The following METTL6 variants were observed in gnomAD, a reference collection of about 807,000 sequenced individuals.
METTL6 encodes methyltransferase 6, tRNA N3-cytidine, also known as tRNA N(3)-cytidine methyltransferase METTL6.
In METTL6, 22 loss-of-function variants were observed where a neutral mutation model predicts 26.4. The observed-to-expected ratio is 0.83, with a 90% CI of 0.59 to 1.19. METTL6 has a LOEUF of 1.19. Ranked by LOEUF, METTL6 falls within the 50% of genes most tolerant of loss-of-function variation. The pLI, the probability that METTL6 is intolerant of heterozygous loss-of-function variation, is 0.00. For synonymous variants in METTL6, 109 were observed against 116.2 expected (o/e 0.94, Z 0.40); for missense variants, 304 against 324.8 (o/e 0.94, Z 0.49).
chr3:15,401,552 A>G (rs1213026096), intron 6 of METTL6, among the ~76,000 whole-genome samples: 2 of 151,542 alleles, frequency 1.3e-5, no homozygotes, highest in South Asian at 2.1e-4. Flanking sequence ...AAAAAAAAAA[A>G]AAAAAGAAAG....
rs76953524 is a variant in METTL6, at chr3:15,424,393, A to G, written c.360+562T>C. Among the ~76,000 whole-genome samples the G allele has an allele frequency of 6.2e-4, 95 of 152,212 alleles. 2 individuals are homozygous for G. Among genetic ancestry groups the G allele is most frequent in the Non-Finnish European group, 5.4e-4 (37 of 67,990 alleles). On this transcript the variant is annotated intron_variant, in intron 3 of 5. Coordinates refer to ENST00000383790, the MANE Select transcript of METTL6 (RefSeq NM_152396.4). The stretch of plus-strand genomic sequence containing the variant: ...GTGATCTTCCCACCTCAGCCTCCCA[A>G]TTAGCTGGGATTACAGGTAAGCACC...
At chr3:15,424,635 G>A (rs978037053) in intron 3 of METTL6, among the ~76,000 whole-genome samples, 7 of 152,150 alleles carry the variant, frequency 4.6e-5, no homozygotes, top group Non-Finnish European at 7.4e-5. Flanking sequence ...CTTTTTTAAG[G>A]GGAGATGTAT....
downstream of METTL6, among the ~76,000 whole-genome samples, chr3:15,407,829 C>T (rs1301772442): frequency 6.6e-6 from 1 of 152,120 alleles, no homozygotes; most frequent in Non-Finnish European, 1.5e-5. Flanking sequence ...GTTAAGTTTG[C>T]CATGTTGTAG....
Position 15,410,051 on chromosome 3 carries a change from T to C in METTL6, c.*1205A>G, listed in dbSNP as rs892097666. On this transcript the variant is annotated 3_prime_UTR_variant, in exon 6 of 6. Transcript: ENST00000383790. ...GGTCCTTAGGCTTTTCTTTGTGGAA[T>C]TTTACAGTGAACAATATGGCTAAAT... Among the ~76,000 whole-genome samples the C allele has an allele frequency of 1.3e-5, 2 of 152,158 alleles. No homozygotes were observed. Among genetic ancestry groups the C allele is most frequent in the South Asian group, 4.1e-4 (2 of 4,832 alleles).
Position 15,426,526 on chromosome 3 carries a change from G to T in METTL6, c.-15C>A, listed in dbSNP as rs2061728490. On this transcript the variant is annotated 5_prime_UTR_variant, in exon 2 of 6. Transcript: ENST00000383790. ...AAAGAAGCCATCTCTGAAACTGACG[G>T]TAACACTTAACACAGCTGAAGATTC... The T allele has an allele frequency of 6.2e-7, 1 of 1,606,032 alleles. No individual in the cohort carries two copies. Among genetic ancestry groups the T allele is most frequent in the African/African-American group, 1.3e-5 (1 of 74,744 alleles).
At chr3:15,414,484 T>A (rs1174024344) in intron 4 of METTL6, 16 of 426,174 alleles carry the variant, frequency 3.8e-5, no homozygotes, top group Non-Finnish European at 3.8e-5. Flanking sequence ...GCCTCCCGAG[T>A]AGCTGGGATT....
At chr3:15,417,368 T>C (rs989317533) in intron 3 of METTL6, among the ~76,000 whole-genome samples, 1 of 151,712 alleles carries the variant, frequency 6.6e-6, no homozygotes, top group Non-Finnish European at 1.5e-5. Context: ...GGCAGAAGAA[T>C]CGCTTGAACC....
chr3:15,398,408 G>T (rs1575398351), intron 6 of METTL6, among the ~76,000 whole-genome samples: 1 of 152,274 alleles, frequency 6.6e-6, no homozygotes, highest in Admixed American at 6.5e-5. Flanking sequence ...TGGCCAGGCT[G>T]GCCTCGAGCT....
At chr3:15,419,694 T>C (rs1315349106) in intron 3 of METTL6, among the ~76,000 whole-genome samples, 1 of 152,180 alleles carries the variant, frequency 6.6e-6, no homozygotes, top group African/African-American at 2.4e-5. Flanking sequence ...AAAATATAAA[T>C]GAGCATGCTC....
intron 6 of METTL6, among the ~76,000 whole-genome samples, chr3:15,398,383 AG>A (rs1243626288): frequency 3.9e-5 from 6 of 152,096 alleles, no homozygotes; most frequent in African/African-American, 1.4e-4. Flanking sequence ...TAGTAGAGAC[AG>A]GGTTTCACCA....
rs879183026 is a variant in METTL6, at chr3:15,426,592, T to C, written c.-81A>G. 8.4e-6 allele frequency: 11 copies of C among 1,311,434 alleles called. No homozygotes were observed. The South Asian group carries it at 1.2e-4, about 14-fold the overall frequency. The allele number at this position is 1,311,434 out of a possible 1,614,324, so 81.2% of individuals were successfully genotyped here. On this transcript the variant is annotated 5_prime_UTR_variant, in exon 2 of 6. Transcript: ENST00000383790. ...TATGAATCCACGCTAATGGATCAGA[T>C]ACATTTCCTGAGGTGAGTTTCACGC...
In METTL6 at chr3:15,410,149, A is replaced by C. The variant is rs1266286939; in HGVS notation, c.*1107T>G. ...ATTTACATGTCTCTAACACACACAC[A>C]TACACTTCCTATTTTTTAATACAAA... On this transcript the variant is annotated 3_prime_UTR_variant, in exon 6 of 6. Transcript: ENST00000383790. Among the ~76,000 whole-genome samples, 1 of 152,064 alleles carries C rather than the reference A, an allele frequency of 6.6e-6. No homozygotes were observed.
intron 5 of METTL6, chr3:15,413,634 T>C (rs1201981082): frequency 3.4e-6 from 4 of 1,178,144 alleles, no homozygotes; most frequent in Non-Finnish European, 4.3e-6. Flanking sequence ...AAAGGTTTCC[T>C]GACTTTGTGC....
rs1196659629 is a variant in METTL6, at chr3:15,412,812, TATTTC to T, written c.673+1204_673+1208del. The stretch of plus-strand genomic sequence containing the variant: ...TAATTCATTTTGGTATCTAAAAGAA[TATTTC>T]ATTTCAAGAAGAAAAATGTTTGTTA... On this transcript the variant is annotated intron_variant, in intron 5 of 5. Coordinates refer to ENST00000383790, the MANE Select transcript of METTL6 (RefSeq NM_152396.4). Among the ~76,000 whole-genome samples, 6 of 152,218 alleles carry T rather than the reference TATTTC, an allele frequency of 3.9e-5. No individual in the cohort carries two copies. The East Asian group carries it at 1.2e-3, about 29-fold the overall frequency.
chr3:15,424,844 G>A, intron 3 of METTL6, 111 bp downstream of exon 3: 1 of 1,392,214 alleles, frequency 7.2e-7, no homozygotes, highest in Non-Finnish European at 1.0e-6. Flanking sequence ...GGTGACTATA[G>A]CTGGTTAGCT....
chr3:15,414,526 T>C, intron 4 of METTL6: 1 of 282,662 alleles, frequency 3.5e-6, no homozygotes, highest in Non-Finnish European at 6.3e-6. Flanking sequence ...CGGCTAATTT[T>C]TGTATTTTAG....
chr3:15,389,703 C>A (rs1559478143), intron 6 of METTL6, among the ~76,000 whole-genome samples: 1 of 152,080 alleles, frequency 6.6e-6, no homozygotes, highest in South Asian at 2.1e-4. Flanking sequence ...GCATGCGCCA[C>A]CACGCCCGGC....
At chr3:15,388,300 G>A (rs780805816) in intron 6 of METTL6, among the ~76,000 whole-genome samples, 21 of 152,020 alleles carry the variant, frequency 1.4e-4, no homozygotes, top group Non-Finnish European at 2.9e-4. Flanking sequence ...TAGCAGAGAC[G>A]GGATTTTGCC....
downstream of METTL6, among the ~76,000 whole-genome samples, chr3:15,407,299 C>T (rs1303621007): frequency 1.3e-5 from 2 of 152,194 alleles, no homozygotes; most frequent in African/African-American, 2.4e-5. Context: ...GGATTACAAG[C>T]ATGAGCCACC....
Sources: allele counts gnomAD v4.1 joint callset (sites outside exome capture counted in the v4.1 genomes callset), GRCh38; gene constraint gnomAD v4.1.1; transcripts MANE v1.5; gene names NCBI Gene and HGNC (gene_info 2026-07-23, HGNC 2026-07-21).